Variants in SAMD3 observed in about 807,000 individuals in gnomAD.
SAMD3 encodes sterile alpha motif domain-containing protein 3.
A neutral mutation model predicts 58.5 loss-of-function variants in SAMD3; 63 were observed. The ratio of observed to expected loss-of-function variants is 1.08; its 90% CI spans 0.88 to 1.33. The LOEUF (loss-of-function observed/expected upper bound fraction) is 1.33, where lower values mean the gene tolerates loss of function less well. SAMD3 is among the 40% of genes most tolerant of loss of function. The pLI, the probability that SAMD3 is intolerant of heterozygous loss-of-function variation, is 0.00. For synonymous variants in SAMD3, 220 were observed against 210.3 expected, an observed-to-expected ratio of 1.05 and a Z score of -0.40; for missense variants, 604 against 608.4, an observed-to-expected ratio of 0.99 and a Z score of 0.08.
chr6:130,256,596 G>C (rs2114916596), intron 2 of SAMD3, among the ~76,000 whole-genome samples: 1 of 152,162 alleles, frequency 6.6e-6, no homozygotes, highest in South Asian at 2.1e-4. Context: ...TTTTAGCTAG[G>C]AGAGTCTTTG....
At chr6:130,163,906 A>G (rs1273592121) in intron 8 of SAMD3, among the ~76,000 whole-genome samples, 2 of 152,196 alleles carry the variant, frequency 1.3e-5, no homozygotes, top group African/African-American at 4.8e-5. Context: ...TTTCAAAGCT[A>G]TAGGGTATAT....
At chr6:130,215,481 T>A (rs1054681539) in intron 2 of SAMD3, 187 bp from the exon 3 acceptor site, 16 of 1,341,038 alleles carry the variant, frequency 1.2e-5, no homozygotes, top group Non-Finnish European at 1.5e-5. Flanking sequence ...ACTTTAAAAA[T>A]AAGACCTGAT....
intron 2 of SAMD3, among the ~76,000 whole-genome samples, chr6:130,250,592 A>G (rs1583006717): frequency 6.6e-6 from 1 of 151,872 alleles, no homozygotes; most frequent in Non-Finnish European, 1.5e-5. Context: ...TTCCACCCTC[A>G]CCCATTGTTC....
intron 1 of SAMD3, among the ~76,000 whole-genome samples, chr6:130,354,180 G>A (rs1304697435): frequency 6.6e-6 from 1 of 152,160 alleles, no homozygotes; most frequent in Non-Finnish European, 1.5e-5. Context: ...AATAACAGAT[G>A]CTAGTGAGGT....
chr6:130,334,462 G>A (rs1333844741), intron 1 of SAMD3, among the ~76,000 whole-genome samples: 2 of 152,176 alleles, frequency 1.3e-5, no homozygotes, highest in East Asian at 1.9e-4. Context: ...TACAGATGAG[G>A]CAATTGAGTT....
At chr6:130,338,248 T>C (rs1364436590) in intron 1 of SAMD3, among the ~76,000 whole-genome samples, 1 of 152,198 alleles carries the variant, frequency 6.6e-6, no homozygotes, top group Non-Finnish European at 1.5e-5. Context: ...GTTTGGCCTT[T>C]GGATGCACAG....
chr6:130,329,043 C>T (rs9388784), intron 1 of SAMD3, among the ~76,000 whole-genome samples: 2 of 146,988 alleles, frequency 1.4e-5, no homozygotes, highest in African/African-American at 2.5e-5. Context: ...TCTCTCTCTC[C>T]CTCTCTCTCT....
At chr6:130,166,366 G>A (rs1425027547) in intron 8 of SAMD3, among the ~76,000 whole-genome samples, 4 of 152,148 alleles carry the variant, frequency 2.6e-5, no homozygotes, top group Non-Finnish European at 5.9e-5. Flanking sequence ...ATGCAATATA[G>A]AATGGCATAA....
intron 2 of SAMD3, among the ~76,000 whole-genome samples, chr6:130,233,347 A>G (rs1796599199): frequency 6.6e-6 from 1 of 152,166 alleles, no homozygotes. Flanking sequence ...GGTTTGCTGC[A>G]CCCATCAACC....
intron 1 of SAMD3, among the ~76,000 whole-genome samples, chr6:130,336,817 G>T (rs1777114179): frequency 6.6e-6 from 1 of 152,196 alleles, no homozygotes; most frequent in Non-Finnish European, 1.5e-5. Flanking sequence ...TGTGGAATTT[G>T]CACCTTGCTA....
intron 2 of SAMD3, among the ~76,000 whole-genome samples, chr6:130,240,817 T>C (rs945044910): frequency 1.3e-5 from 2 of 152,196 alleles, no homozygotes; most frequent in Non-Finnish European, 2.9e-5. Flanking sequence ...GGATGCCAGT[T>C]CCTTGTTCTT....
intron 2 of SAMD3, among the ~76,000 whole-genome samples, chr6:130,303,956 T>C (rs2114978281): frequency 6.6e-6 from 1 of 152,350 alleles, no homozygotes; most frequent in South Asian, 2.1e-4. Flanking sequence ...TTTTCGAATT[T>C]ATAAATATTT....
chr6:130,175,952 T>C lies in SAMD3; in HGVS notation c.711A>G (p.Glu237=), dbSNP rs756449318. The change falls in exon 8 of 12, where the codon GAA becomes GAG. Residue 237 remains glutamate, a synonymous_variant. Coordinates refer to ENST00000439090, the MANE Select transcript of SAMD3 (RefSeq NM_001017373.4). ...DRFKYVRRPI[E]DDEQVIRNKC... ...TATTTCTAATCACTTGCTCATCATC[T>C]TCTATGGGTCTTCGAACATATTTAA... 6.2e-7 allele frequency: 1 copy of C among 1,613,774 alleles called. No individual in the cohort carries two copies. The highest frequency in any genetic ancestry group is 1.7e-5 in the Admixed American group (1 of 60,028).
intron 11 of SAMD3, among the ~76,000 whole-genome samples, chr6:130,145,088 C>T (rs1196938646): frequency 1.3e-5 from 2 of 152,136 alleles, no homozygotes; most frequent in Admixed American, 6.5e-5. Context: ...CGTGAAACCC[C>T]GTCTCTACTA....
At chr6:130,353,280 T>C (rs1777734109) in intron 1 of SAMD3, among the ~76,000 whole-genome samples, 1 of 152,188 alleles carries the variant, frequency 6.6e-6, no homozygotes, top group Non-Finnish European at 1.5e-5. Flanking sequence ...TTACCATAAA[T>C]AAAACTGATA....
intron 8 of SAMD3, among the ~76,000 whole-genome samples, chr6:130,156,889 T>G (rs894689406): frequency 6.6e-6 from 1 of 151,986 alleles, no homozygotes; most frequent in South Asian, 2.1e-4. Context: ...GCTAACATGG[T>G]GAAACCCTGT....
chr6:130,174,682 T>C (rs1257203982), intron 8 of SAMD3, among the ~76,000 whole-genome samples: 1 of 152,266 alleles, frequency 6.6e-6, no homozygotes, highest in East Asian at 1.9e-4. Flanking sequence ...GATTCTATCT[T>C]ATAATTTTAG....
intron 9 of SAMD3, among the ~76,000 whole-genome samples, chr6:130,150,936 T>A (rs147639193): frequency 0.03 from 4,627 of 152,196 alleles, 108 homozygotes; most frequent in Non-Finnish European, 0.046. Flanking sequence ...GGTCTCGAAC[T>A]CCCGACCTCA....
At chr6:130,336,202 G>A (rs1015714102) in intron 1 of SAMD3, among the ~76,000 whole-genome samples, 7 of 152,014 alleles carry the variant, frequency 4.6e-5, no homozygotes, top group African/African-American at 1.5e-4. Flanking sequence ...GTAATACAAT[G>A]TATTAAGCAT....
Sources: allele counts gnomAD v4.1 joint callset (sites outside exome capture counted in the v4.1 genomes callset), GRCh38; gene constraint gnomAD v4.1.1; transcripts MANE v1.5; gene names NCBI Gene and HGNC (gene_info 2026-07-23, HGNC 2026-07-21).